OR51B5: variants seen among roughly 807,000 people sequenced by gnomAD.
The protein encoded by OR51B5 is olfactory receptor family 51 subfamily B member 5, also known as olfactory receptor 51B5.
For synonymous variants in OR51B5, 186 were observed against 144.8 expected (o/e 1.28, Z -2.04); for missense variants, 456 against 374.6 (o/e 1.22, Z -1.79).
intron 1 of OR51B5, among the ~76,000 whole-genome samples, chr11:5,444,790 T>G (rs894356558): frequency 6.6e-6 from 1 of 151,964 alleles, no homozygotes; most frequent in Non-Finnish European, 1.5e-5. Context: ...CAGTGAAGAG[T>G]GAGTTGGGCC....
At position 5,403,707 on chromosome 11, in the gene OR51B5, G is replaced by C. The variant is rs562388703; in HGVS notation, n.85-56797C>G. Among the ~76,000 whole-genome samples the C allele has an allele frequency of 9.8e-5, 15 of 152,314 alleles. No individual in the cohort carries two copies. In the South Asian group the frequency reaches 2.1e-3, roughly 21 times the overall value. ...GTCCATGAACTGAGGTGAGGGTGCA[G>C]GTAGAGGTGAATTATGTGTGACAGA... On this transcript the variant is annotated intron_variant and non_coding_transcript_variant, in intron 1 of 4. Coordinates refer to the OR51B5 transcript ENST00000415970.
upstream of OR51B5, among the ~76,000 whole-genome samples, chr11:5,344,169 TGTAGAATCCTTCA>T (rs1848952561): frequency 6.6e-6 from 1 of 152,204 alleles, no homozygotes; most frequent in Non-Finnish European, 1.5e-5. Context: ...ATTACCCTCT[TGTAGAATCCTTCA>T]GTACTACTCA....
chr11:5,374,801 T>C (rs368459793), intron 1 of OR51B5, among the ~76,000 whole-genome samples: 2 of 151,986 alleles, frequency 1.3e-5, no homozygotes, highest in African/African-American at 2.4e-5. Flanking sequence ...TAAAAAGAAA[T>C]GAACAAAGCC....
At chr11:5,505,624 C>G (rs2133822878) in exon 1 of OR51B5, 1 of 482,856 alleles carries the variant, frequency 2.1e-6, no homozygotes, top group South Asian at 2.4e-5. Context: ...CAAGTCACAT[C>G]CTACTGGAAT....
intron 1 of OR51B5, among the ~76,000 whole-genome samples, chr11:5,495,658 CAAG>C (rs1851639553): frequency 6.6e-6 from 1 of 151,296 alleles, no homozygotes; most frequent in African/African-American, 2.4e-5. Context: ...AAAAGGAAAA[CAAG>C]AAGAGAGGAA....
At chr11:5,471,263 A>G (rs2133801260) in intron 1 of OR51B5, among the ~76,000 whole-genome samples, 1 of 152,250 alleles carries the variant, frequency 6.6e-6, no homozygotes, top group East Asian at 1.9e-4. Flanking sequence ...TTTTATTCTC[A>G]ATGCTTAGGC....
intron 1 of OR51B5, among the ~76,000 whole-genome samples, chr11:5,495,445 T>G (rs1033065397): frequency 1.6e-4 from 24 of 152,210 alleles, no homozygotes; most frequent in African/African-American, 5.8e-4. Flanking sequence ...AATTGTGACA[T>G]TAGTAACACA....
intron 1 of OR51B5, among the ~76,000 whole-genome samples, chr11:5,447,073 G>A: frequency 6.6e-6 from 1 of 152,126 alleles, no homozygotes; most frequent in Non-Finnish European, 1.5e-5. Flanking sequence ...TTTGCATGGT[G>A]CTGACCATGA....
chr11:5,425,366 C>T (rs1436486394), intron 1 of OR51B5, among the ~76,000 whole-genome samples: 5 of 152,146 alleles, frequency 3.3e-5, no homozygotes, highest in African/African-American at 1.2e-4. Flanking sequence ...CGATATCTAT[C>T]GATGCAATTT....
intron 1 of OR51B5, among the ~76,000 whole-genome samples, chr11:5,360,017 G>A (rs1391470798): frequency 6.6e-6 from 1 of 152,180 alleles, no homozygotes; most frequent in Admixed American, 6.5e-5. Context: ...AGACTTAAAT[G>A]TTAGACTGAA....
intron 1 of OR51B5, among the ~76,000 whole-genome samples, chr11:5,477,125 A>G (rs1161371882): frequency 6.6e-6 from 1 of 152,216 alleles, no homozygotes; most frequent in East Asian, 1.9e-4. Flanking sequence ...TGTTTATGAT[A>G]TGGATTGTAG....
At chr11:5,413,714 A>G (rs372663833) in intron 1 of OR51B5, among the ~76,000 whole-genome samples, 1 of 152,292 alleles carries the variant, frequency 6.6e-6, no homozygotes, top group East Asian at 1.9e-4. Flanking sequence ...GAAATGAAGC[A>G]AGAAGAGAAG....
At chr11:5,382,511 A>T (rs1310384917) in intron 1 of OR51B5, among the ~76,000 whole-genome samples, 3 of 152,196 alleles carry the variant, frequency 2.0e-5, no homozygotes. Flanking sequence ...GTTGCTGGTA[A>T]TAATAGCAGC....
chr11:5,350,909 C>T (rs1849071609), intron 1 of OR51B5, among the ~76,000 whole-genome samples: 1 of 152,252 alleles, frequency 6.6e-6, no homozygotes, highest in Middle Eastern at 3.4e-3. Context: ...TTGAATTTTC[C>T]CTCCAGGAAT....
At chr11:5,448,882 A>G (rs1028432399) in intron 1 of OR51B5, among the ~76,000 whole-genome samples, 6 of 152,244 alleles carry the variant, frequency 3.9e-5, no homozygotes, top group African/African-American at 1.4e-4. Context: ...AAGATATTTT[A>G]TTATCTGAAT....
chr11:5,456,465 G>A (rs1448053004), intron 1 of OR51B5: 2 of 151,966 alleles, frequency 1.3e-5, no homozygotes, highest in Non-Finnish European at 2.9e-5. Context: ...TTGACCTTGG[G>A]TTAAAAACTC....
At chr11:5,464,922 A>G (rs35717749) in intron 1 of OR51B5, among the ~76,000 whole-genome samples, 18,534 of 152,136 alleles carry the variant, frequency 0.12, 1,453 homozygotes, top group Admixed American at 0.18. Context: ...AAGTGTTCCT[A>G]TTGGCTGGGC....
At chr11:5,373,739 T>G (rs1303906696) in intron 1 of OR51B5, among the ~76,000 whole-genome samples, 2 of 152,066 alleles carry the variant, frequency 1.3e-5, no homozygotes, top group Admixed American at 1.3e-4. Context: ...AGCACAGCAG[T>G]CTGAGATCAA....
At chr11:5,413,067 T>A (rs571804154) in intron 1 of OR51B5, among the ~76,000 whole-genome samples, 13 of 152,250 alleles carry the variant, frequency 8.5e-5, no homozygotes, top group Admixed American at 6.5e-5. Flanking sequence ...TCACACGGCC[T>A]GATACTCCTC....
Sources: gnomAD v4.1 joint callset for allele counts (sites outside exome capture counted in the v4.1 genomes callset) on GRCh38, gnomAD v4.1.1 for gene constraint, MANE v1.5 for transcripts, NCBI Gene and HGNC (gene_info 2026-07-23, HGNC 2026-07-21) for gene names.